Variants in RPH3AL observed in about 807,000 individuals in gnomAD.
RPH3AL encodes rab effector Noc2.
RPH3AL carries 38 observed loss-of-function variants against 43.1 expected under a neutral mutation model. The ratio of observed to expected loss-of-function variants is 0.88; its 90% CI spans 0.68 to 1.15. The LOEUF is 1.15. RPH3AL is among the 50% of genes most tolerant of loss of function. The probability of loss-of-function intolerance (pLI) is 0.00; values close to 1 mark genes in which losing one functional copy is unlikely to be tolerated. For synonymous variants in RPH3AL, 189 were observed against 176.3 expected (o/e 1.07, Z -0.57); for missense variants, 462 against 423.2 (o/e 1.09, Z -0.81).
At chr17:260,704 C>G (rs2042176861) in intron 6 of RPH3AL, among the ~76,000 whole-genome samples, 1 of 152,152 alleles carries the variant, frequency 6.6e-6, no homozygotes, top group African/African-American at 2.4e-5. Context: ...CATTACCTGA[C>G]ACACACTCAC....
intron 3 of RPH3AL, among the ~76,000 whole-genome samples, chr17:326,181 G>T (rs1035858733): frequency 2.6e-5 from 4 of 152,252 alleles, no homozygotes; most frequent in Non-Finnish European, 5.9e-5. Flanking sequence ...CACTGCGGGG[G>T]CCGCATGAAG....
chr17:320,345 T>A (rs539768944), intron 4 of RPH3AL, among the ~76,000 whole-genome samples: 9 of 152,120 alleles, frequency 5.9e-5, no homozygotes, highest in African/African-American at 2.2e-4. Flanking sequence ...TTTCCCACTG[T>A]AAAGATAAGG....
chr17:350,997 T>A (rs1450092512), intron 1 of RPH3AL, among the ~76,000 whole-genome samples: 1 of 152,100 alleles, frequency 6.6e-6, no homozygotes, highest in African/African-American at 2.4e-5. Flanking sequence ...GCTCTTAGCA[T>A]CTCCTCCCAG....
In RPH3AL at chr17:283,664, G is replaced by C. The variant is rs1225271413; in HGVS notation, c.352-1810C>G. Among the ~76,000 whole-genome samples, 1 of 152,190 alleles carries C rather than the reference G, an allele frequency of 6.6e-6. No homozygotes were observed. The highest frequency in any genetic ancestry group is 2.1e-4 in the South Asian group (1 of 4,820). ...GCTTCCCAAGCTCTCATGACCCCATGAGAGGGAGTGGGAGCATGTGGTCAT... is the reference window on the plus strand; with the variant it reads ...GCTTCCCAAGCTCTCATGACCCCATCAGAGGGAGTGGGAGCATGTGGTCAT... On this transcript the variant is annotated intron_variant, in intron 5 of 9. Coordinates refer to ENST00000331302, the MANE Select transcript of RPH3AL (RefSeq NM_006987.4). This position sits in a 1 kb window ranked among gnomAD's most constrained non-coding sequence, Gnocchi z 4.2.
At position 242,262 on chromosome 17, in the gene RPH3AL, T is replaced by C. The variant is rs185947342; in HGVS notation, c.613+4849A>G. ...ATCTATTCATGATTACCTTCCTCTA[T>C]TGATTACCTTCCTCTATTGACTACC... On this transcript the variant is annotated intron_variant, in intron 7 of 9. Transcript: ENST00000331302. 9.8e-4 allele frequency among the ~76,000 whole-genome samples: 128 copies of C among 131,138 alleles called. 1 individual carries two copies. The South Asian group carries it at 0.014, about 14-fold the overall frequency. The allele number at this position is 131,138 out of a possible 152,430, so 86.0% of individuals were successfully genotyped here.
intron 3 of RPH3AL, among the ~76,000 whole-genome samples, chr17:325,924 G>A (rs2044608785): frequency 6.6e-6 from 1 of 152,206 alleles, no homozygotes; most frequent in South Asian, 2.1e-4. Context: ...GTACTACAAG[G>A]CAGTGCACCC....
intron 2 of RPH3AL, among the ~76,000 whole-genome samples, chr17:329,377 G>A (rs943795487): frequency 6.6e-6 from 1 of 152,328 alleles, no homozygotes; most frequent in African/African-American, 2.4e-5. Context: ...TGAGGAGGCT[G>A]AGGCAGGAGA....
rs1567577937 is a variant in RPH3AL at position 243,422 on chromosome 17, A to ACCCTTCCTCTATTGATT, written c.613+3672_613+3688dup. ...TATTGACTACCTTCCTCTATTGATT[A>ACCCTTCCTCTATTGATT]CCCTTCCTCTATTGATTACCTTCCT... On this transcript the variant is annotated intron_variant, in intron 7 of 9. Coordinates refer to ENST00000331302, the MANE Select transcript of RPH3AL (RefSeq NM_006987.4). Among the ~76,000 whole-genome samples the ACCCTTCCTCTATTGATT allele has an allele frequency of 8.9e-5, 8 of 90,300 alleles. No individual in the cohort carries two copies. In the East Asian group the frequency reaches 1.2e-3, roughly 14 times the overall value. The allele number at this position is 90,300 out of a possible 152,430, so 59.2% of individuals were successfully genotyped here.
chr17:243,056 CCCTTCCTCTATTGATTA>C lies in RPH3AL; in HGVS notation c.613+4038_613+4054del, dbSNP rs2041613463. Among the ~76,000 whole-genome samples, 6 of 121,516 alleles carry C rather than the reference CCCTTCCTCTATTGATTA, an allele frequency of 4.9e-5. 2 individuals are homozygous for C. The highest frequency in any genetic ancestry group is 8.7e-5 in the Non-Finnish European group (5 of 57,494). 79.7% of individuals were successfully genotyped at this position (121,516 alleles called of 152,430 possible). On this transcript the variant is annotated intron_variant, in intron 7 of 9. Transcript: ENST00000331302. Reference sequence around the variant, plus strand: ...ATTGAATACCATCCTCTATTGATTACCCTTCCTCTATTGATTACCTTCCTCTATTGATTACCTTTCCT... The same window carrying C: ...ATTGAATACCATCCTCTATTGATTACCCTTCCTCTATTGATTACCTTTCCT...
rs2041756931 is a variant in RPH3AL, at chr17:246,062, T to C, written c.613+1049A>G. Among the ~76,000 whole-genome samples, 1 of 152,192 alleles carries C rather than the reference T, an allele frequency of 6.6e-6. No homozygotes were observed. Reference sequence around the variant, plus strand: ...GGCAGGTCCACGTATGGGGGATTTATACCTTCTACATACGTCACTGGACAA... The same window carrying C: ...GGCAGGTCCACGTATGGGGGATTTACACCTTCTACATACGTCACTGGACAA... On this transcript the variant is annotated intron_variant, in intron 7 of 9. Coordinates refer to ENST00000331302, the MANE Select transcript of RPH3AL (RefSeq NM_006987.4). This position sits in a 1 kb window ranked among gnomAD's most constrained non-coding sequence, Gnocchi z 4.8.
chr17:223,793 A>T (rs2041045469), intron 7 of RPH3AL, among the ~76,000 whole-genome samples: 1 of 152,216 alleles, frequency 6.6e-6, no homozygotes. Flanking sequence ...AGGGAGCCAC[A>T]GGTCTTGGAA....
chr17:233,236 T>C lies in RPH3AL; in HGVS notation c.614-13500A>G, dbSNP rs146998103. Among the ~76,000 whole-genome samples the C allele has an allele frequency of 2.8e-4, 42 of 152,270 alleles. No individual in the cohort carries two copies. The East Asian group carries it at 7.7e-3, about 28-fold the overall frequency. On this transcript the variant is annotated intron_variant, in intron 7 of 9. Coordinates refer to ENST00000331302, the MANE Select transcript of RPH3AL (RefSeq NM_006987.4). ...ATCTGAGAGCTGCCTTACCAGCCAC[T>C]GCTCTACCCCCCGCCTGAAATTCCT...
intron 5 of RPH3AL, among the ~76,000 whole-genome samples, chr17:286,939 CCT>C (rs71863097): frequency 0.43 from 19,377 of 45,542 alleles, 3,889 homozygotes; most frequent in South Asian, 0.51. Flanking sequence ...GACCTCGCAC[CCT>C]CTCTCTCCAC....
chr17:316,316 A>C (rs1484003237), intron 5 of RPH3AL, among the ~76,000 whole-genome samples: 82 of 141,846 alleles, frequency 5.8e-4, no homozygotes, highest in Non-Finnish European at 8.5e-4. Context: ...ATTGACCTGT[A>C]GTCCCTGTGC....
At chr17:305,004 CAGGGCGAGAGGG>C in intron 5 of RPH3AL, among the ~76,000 whole-genome samples, 1 of 40,382 alleles carries the variant, frequency 2.5e-5, no homozygotes, top group African/African-American at 1.1e-4. Context: ...CGAGAGGGGA[CAGGGCGAGAGGG>C]GGACAGGGCG....
rs1181941808 is a variant in RPH3AL at position 225,578 on chromosome 17, G to C, written c.614-5842C>G. On this transcript the variant is annotated intron_variant, in intron 7 of 9. Coordinates refer to ENST00000331302, the MANE Select transcript of RPH3AL (RefSeq NM_006987.4). The surrounding 1 kb of genome is among the most constrained non-coding windows in gnomAD (Gnocchi z 4.4). ...CCTTGGGGCAGCTACAGTGAAATTA[G>C]AGGCCTGTGGCTCACACTTCCCGGG... 1.3e-5 allele frequency among the ~76,000 whole-genome samples: 2 copies of C among 152,204 alleles called. No individual in the cohort carries two copies. The highest frequency in any genetic ancestry group is 2.9e-5 in the Non-Finnish European group (2 of 68,042).
intron 6 of RPH3AL, 89 bp from the exon 7 acceptor site, chr17:247,374 G>A (rs148425803): frequency 2.2e-4 from 289 of 1,322,524 alleles, no homozygotes; most frequent in African/African-American, 1.5e-3. Flanking sequence ...GGCAGGACGC[G>A]GAGAGCTAGG....
chr17:261,159 T>C (rs2042186656), intron 6 of RPH3AL, among the ~76,000 whole-genome samples: 6 of 152,174 alleles, frequency 3.9e-5, no homozygotes, highest in Admixed American at 3.9e-4. Flanking sequence ...TAACTCAAGT[T>C]ACTTAGGAGA....
intron 1 of RPH3AL, among the ~76,000 whole-genome samples, chr17:350,727 T>C (rs73286638): frequency 0.037 from 5,707 of 152,310 alleles, 283 homozygotes; most frequent in East Asian, 0.14. Context: ...TGAACTTCTC[T>C]GCACTAAAAG....
Sources: allele counts gnomAD v4.1 joint callset (sites outside exome capture counted in the v4.1 genomes callset), GRCh38; gene constraint gnomAD v4.1.1; non-coding constraint Gnocchi (gnomAD v3.1); transcripts MANE v1.5; gene names NCBI Gene and HGNC (gene_info 2026-07-23, HGNC 2026-07-21).